RORA: variants seen among roughly 807,000 people sequenced by gnomAD.
The protein encoded by RORA is RAR related orphan receptor A.
Under a neutral mutation model 69.5 loss-of-function variants are expected in RORA, and 7 were observed. The ratio of observed to expected loss-of-function variants is 0.10; its 90% CI spans 0.06 to 0.19. The LOEUF (loss-of-function observed/expected upper bound fraction) is 0.19, where lower values mean the gene tolerates loss of function less well. RORA is among the 10% of genes least tolerant of loss of function. The pLI, the probability that RORA is intolerant of heterozygous loss-of-function variation, is 1.00. For missense variants in RORA, 457 were observed against 663.0 expected, an observed-to-expected ratio of 0.69 and a Z score of 3.41; for synonymous variants, 261 against 240.8, an observed-to-expected ratio of 1.08 and a Z score of -0.78.
At chr15:60,645,811 TTAAA>T (rs761339196) in intron 2 of RORA, among the ~76,000 whole-genome samples, 5 of 139,818 alleles carry the variant, frequency 3.6e-5, no homozygotes, top group African/African-American at 8.8e-5. Context: ...TTTTTTTTTT[TTAAA>T]AAATTAAGGG....
chr15:60,705,461 A>G (rs924833544), intron 1 of RORA, among the ~76,000 whole-genome samples: 5 of 152,216 alleles, frequency 3.3e-5, no homozygotes. Flanking sequence ...CTTAACTACA[A>G]TGGGATTTAA....
intron 1 of RORA, among the ~76,000 whole-genome samples, chr15:61,045,348 AACTG>A (rs1354622551): frequency 1.3e-5 from 2 of 152,132 alleles, no homozygotes; most frequent in Admixed American, 1.3e-4. Flanking sequence ...AGCCATGTGG[AACTG>A]TGAGTCAATT....
At chr15:61,125,245 G>T (rs2079133442) in intron 1 of RORA, among the ~76,000 whole-genome samples, 1 of 152,120 alleles carries the variant, frequency 6.6e-6, no homozygotes, top group Admixed American at 6.5e-5. Context: ...AAGGGATAAG[G>T]ATACTAAAAA....
intron 1 of RORA, among the ~76,000 whole-genome samples, chr15:60,837,707 G>T (rs911659695): frequency 6.6e-6 from 1 of 152,158 alleles, no homozygotes; most frequent in African/African-American, 2.4e-5. Flanking sequence ...AGAGCTCACC[G>T]GGGACACAGT....
chr15:60,730,060 G>T (rs993024592), intron 1 of RORA, among the ~76,000 whole-genome samples: 1 of 152,186 alleles, frequency 6.6e-6, no homozygotes, highest in Non-Finnish European at 1.5e-5. Context: ...ATGAACAAGA[G>T]TAAACAGCGA....
chr15:60,745,419 T>G (rs912986687), intron 1 of RORA, among the ~76,000 whole-genome samples: 5 of 152,240 alleles, frequency 3.3e-5, no homozygotes, highest in Non-Finnish European at 5.9e-5. Flanking sequence ...GATCTTTTCT[T>G]TTTGTTTTTA....
Position 60,779,638 on chromosome 15 carries a change from T to G in RORA, c.167-100952A>C, listed in dbSNP as rs548517776. On this transcript the variant is annotated intron_variant, in intron 1 of 10. Coordinates refer to ENST00000335670, the MANE Select transcript of RORA (RefSeq NM_134261.3). ...CACTATATGAACCTGTTGGCTAATG[T>G]TAGTAATCCACACTTCTTCTACAAA... Among the ~76,000 whole-genome samples, 21 of 152,354 alleles carry G rather than the reference T, an allele frequency of 1.4e-4. No individual in the cohort carries two copies. The South Asian group carries it at 4.3e-3, about 32-fold the overall frequency.
At chr15:61,134,815 T>C (rs2079221421) in intron 1 of RORA, among the ~76,000 whole-genome samples, 1 of 151,992 alleles carries the variant, frequency 6.6e-6, no homozygotes, top group African/African-American at 2.4e-5. Flanking sequence ...TTTGGAAGGG[T>C]GGGCAGTTTC....
At chr15:60,904,782 C>T (rs768665298) in intron 1 of RORA, among the ~76,000 whole-genome samples, 7 of 152,000 alleles carry the variant, frequency 4.6e-5, no homozygotes, top group Non-Finnish European at 8.8e-5. Context: ...CGGTAATGAA[C>T]GACGGAAGAA....
At chr15:61,090,930 T>C (rs1331590528) in intron 1 of RORA, among the ~76,000 whole-genome samples, 3 of 152,118 alleles carry the variant, frequency 2.0e-5, no homozygotes, top group Non-Finnish European at 4.4e-5. Context: ...AAACAGTGTC[T>C]GAAAACCTCA....
chr15:60,977,622 C>G (rs1893914100), intron 1 of RORA, among the ~76,000 whole-genome samples: 1 of 152,152 alleles, frequency 6.6e-6, no homozygotes, highest in African/African-American at 2.4e-5. Flanking sequence ...CCAATTCCCT[C>G]TCCTTCATCC....
At chr15:60,969,815 T>C (rs528083684) in intron 1 of RORA, among the ~76,000 whole-genome samples, 1 of 152,226 alleles carries the variant, frequency 6.6e-6, no homozygotes, top group African/African-American at 2.4e-5. Context: ...TTTCCTGTTA[T>C]GGGCTGAATG....
At chr15:61,078,912 A>C (rs1393421224) in intron 1 of RORA, among the ~76,000 whole-genome samples, 1 of 152,136 alleles carries the variant, frequency 6.6e-6, no homozygotes, top group Non-Finnish European at 1.5e-5. Context: ...TAAACTTTAT[A>C]ACAGCTCTAC....
chr15:60,947,656 C>CCCCTCTT (rs1181740286), intron 1 of RORA, among the ~76,000 whole-genome samples: 25 of 147,170 alleles, frequency 1.7e-4, no homozygotes, highest in Non-Finnish European at 3.0e-5. Flanking sequence ...CTGCCAAATC[C>CCCCTCTT]CCCTCTTCGA....
At chr15:60,758,680 T>C (rs1359441584) in intron 1 of RORA, among the ~76,000 whole-genome samples, 1 of 152,206 alleles carries the variant, frequency 6.6e-6, no homozygotes, top group Non-Finnish European at 1.5e-5. Flanking sequence ...CCAACTGATA[T>C]AATGGTCTCT....
intron 1 of RORA, among the ~76,000 whole-genome samples, chr15:61,008,255 C>T (rs1318329840): frequency 5.6e-5 from 8 of 142,078 alleles, no homozygotes; most frequent in East Asian, 2.2e-4. Flanking sequence ...AGTAAATGAA[C>T]GACAAAAAAT....
At chr15:60,994,302 C>T (rs6494242) in intron 1 of RORA, among the ~76,000 whole-genome samples, 37,310 of 152,146 alleles carry the variant, frequency 0.25, 6,084 homozygotes, top group African/African-American at 0.46. Context: ...TCAGTGATTA[C>T]ACTTAGAGGC....
intron 1 of RORA, among the ~76,000 whole-genome samples, chr15:60,997,067 T>G (rs542700054): frequency 7.3e-6 from 1 of 136,448 alleles, no homozygotes; most frequent in East Asian, 2.2e-4. Flanking sequence ...GTGTGTGTGT[T>G]TGATTACTGC....
chr15:60,884,901 T>C (rs1263532314), intron 1 of RORA, among the ~76,000 whole-genome samples: 1 of 152,204 alleles, frequency 6.6e-6, no homozygotes, highest in Non-Finnish European at 1.5e-5. Context: ...AGAGCAAGGA[T>C]GATTGGGAAT....
Sources: allele counts gnomAD v4.1 joint callset (sites outside exome capture counted in the v4.1 genomes callset), GRCh38; gene constraint gnomAD v4.1.1; transcripts MANE v1.5; gene names NCBI Gene and HGNC (gene_info 2026-07-23, HGNC 2026-07-21).